The following CATSPERT variants were observed in gnomAD, a reference collection of about 807,000 sequenced individuals.
The protein encoded by CATSPERT is cation channel sperm-associated targeting subunit tau.
At chr2:201,493,110 A>T in the CATSPERT span, 1 of 1,527,936 alleles carries the variant, frequency 6.5e-7, no homozygotes, top group African/African-American at 1.4e-5. Flanking sequence ...TGAAAAAAAC[A>T]TTGAAGATGT....
the CATSPERT span, among the ~76,000 whole-genome samples, chr2:201,608,446 G>A: frequency 2.6e-5 from 4 of 152,100 alleles, no homozygotes; most frequent in South Asian, 2.1e-4. Flanking sequence ...TGTGACCCTC[G>A]AGGAATATTT....
the CATSPERT span, among the ~76,000 whole-genome samples, chr2:201,515,202 G>GTT: frequency 0.013 from 332 of 24,672 alleles, 126 homozygotes; most frequent in African/African-American, 0.063. Context: ...TCTGCCCATA[G>GTT]TTTTTTTTTT....
chr2:201,610,049 A>G, the CATSPERT span, among the ~76,000 whole-genome samples: 1 of 152,156 alleles, frequency 6.6e-6, no homozygotes, highest in South Asian at 2.1e-4. Context: ...AAATTGGAAA[A>G]CTCAGAAGAA....
chr2:201,552,267 G>T, the CATSPERT span, among the ~76,000 whole-genome samples: 23 of 152,248 alleles, frequency 1.5e-4, no homozygotes, highest in South Asian at 4.8e-3. Flanking sequence ...GAGCCACTGC[G>T]CCCAGCCCTT....
chr2:201,572,195 T>C, the CATSPERT span, among the ~76,000 whole-genome samples: 10 of 152,218 alleles, frequency 6.6e-5, no homozygotes, highest in Admixed American at 3.9e-4. Flanking sequence ...GACACTAACA[T>C]TTATTGGGTA....
chr2:201,546,969 T>C, the CATSPERT span, among the ~76,000 whole-genome samples: 6 of 152,136 alleles, frequency 3.9e-5, no homozygotes, highest in Non-Finnish European at 7.4e-5. Flanking sequence ...TACTGGTACA[T>C]GCTACAACAG....
At chr2:201,517,576 G>C in the CATSPERT span, among the ~76,000 whole-genome samples, 1 of 152,220 alleles carries the variant, frequency 6.6e-6, no homozygotes, top group African/African-American at 2.4e-5. Flanking sequence ...TTCTAAGTCA[G>C]AAAGAGAGGA....
chr2:201,563,716 A>C, the CATSPERT span, among the ~76,000 whole-genome samples: 1 of 152,248 alleles, frequency 6.6e-6, no homozygotes, highest in Non-Finnish European at 1.5e-5. Flanking sequence ...CAGAAAAGAT[A>C]CTATGATCTT....
chr2:201,487,898 C>G, the CATSPERT span: 10 of 1,599,380 alleles, frequency 6.3e-6, no homozygotes, highest in South Asian at 1.1e-4. Context: ...TTTATCTGAA[C>G]AATCCTAAAT....
At chr2:201,606,821 C>A in the CATSPERT span, among the ~76,000 whole-genome samples, 1 of 151,816 alleles carries the variant, frequency 6.6e-6, no homozygotes, top group Non-Finnish European at 1.5e-5. Flanking sequence ...ATCCCTTCAA[C>A]CCGGAAGGTG....
the CATSPERT span, chr2:201,601,680 G>T: frequency 6.8e-7 from 1 of 1,466,634 alleles, no homozygotes; most frequent in East Asian, 2.4e-5. Flanking sequence ...CAGAATTAGG[G>T]TAGAATATTT....
the CATSPERT span, among the ~76,000 whole-genome samples, chr2:201,507,236 T>A: frequency 6.6e-6 from 1 of 152,126 alleles, no homozygotes; most frequent in Non-Finnish European, 1.5e-5. Flanking sequence ...GTCCAAATAT[T>A]GCCTGAAAAA....
the CATSPERT span, among the ~76,000 whole-genome samples, chr2:201,530,063 C>G: frequency 2.6e-5 from 4 of 152,162 alleles, no homozygotes; most frequent in African/African-American, 2.4e-5. Flanking sequence ...GATATCATTT[C>G]ATGCCTGTTA....
At chr2:201,574,778 C>G in the CATSPERT span, among the ~76,000 whole-genome samples, 2 of 152,038 alleles carry the variant, frequency 1.3e-5, no homozygotes, top group East Asian at 1.9e-4. Context: ...TTTTATGTTC[C>G]TAGCCCCTGT....
the CATSPERT span, among the ~76,000 whole-genome samples, chr2:201,564,997 A>G: frequency 1.4e-5 from 2 of 141,736 alleles, no homozygotes; most frequent in Non-Finnish European, 3.1e-5. Flanking sequence ...TAAGAATTCA[A>G]TTGATTTAAT....
the CATSPERT span, among the ~76,000 whole-genome samples, chr2:201,504,217 C>A: frequency 6.6e-6 from 1 of 152,156 alleles, no homozygotes; most frequent in East Asian, 1.9e-4. Flanking sequence ...TCTCCTCAAC[C>A]CAATGAGATC....
At chr2:201,561,893 GAA>G in the CATSPERT span, among the ~76,000 whole-genome samples, 3 of 141,516 alleles carry the variant, frequency 2.1e-5, no homozygotes, top group African/African-American at 5.2e-5. Flanking sequence ...GAAAGAAAAG[GAA>G]AAAAAAAAAG....
At chr2:201,536,183 A>C in the CATSPERT span, 22 of 1,613,536 alleles carry the variant, frequency 1.4e-5, no homozygotes, top group Non-Finnish European at 1.8e-5. Context: ...CCTGGTTAGA[A>C]ATAGTGCACA....
the CATSPERT span, among the ~76,000 whole-genome samples, chr2:201,595,423 C>T: frequency 1.9e-4 from 29 of 151,968 alleles, no homozygotes; most frequent in Non-Finnish European, 3.7e-4. Flanking sequence ...CTCCTGACCT[C>T]GTGATCCGCC....
Sources: gnomAD v4.1 joint callset for allele counts (sites outside exome capture counted in the v4.1 genomes callset) on GRCh38, gnomAD v4.1.1 for gene constraint, MANE v1.5 for transcripts, NCBI Gene and HGNC (gene_info 2026-07-23, HGNC 2026-07-21) for gene names.